LRRN3: variants seen among roughly 807,000 people sequenced by gnomAD.
The protein encoded by LRRN3 is leucine rich repeat neuronal 3, also known as leucine-rich repeat neuronal protein 3.
Under a neutral mutation model 40.1 loss-of-function variants are expected in LRRN3, and 15 were observed. That is an observed-to-expected ratio of 0.37 (90% CI 0.25 to 0.58). LRRN3 has a LOEUF of 0.58. Ranked by LOEUF, LRRN3 falls within the 20% of genes least tolerant of loss-of-function variation. The pLI, the probability that LRRN3 is intolerant of heterozygous loss-of-function variation, is 0.72. For synonymous variants in LRRN3, 308 were observed against 297.2 expected, an observed-to-expected ratio of 1.04 and a Z score of -0.37; for missense variants, 746 against 837.7, an observed-to-expected ratio of 0.89 and a Z score of 1.35.
intron 1 of LRRN3, among the ~76,000 whole-genome samples, chr7:111,098,712 C>T (rs1384318711): frequency 2.3e-4 from 35 of 151,706 alleles, no homozygotes; most frequent in Admixed American, 2.1e-3. Flanking sequence ...CTATGTTTAA[C>T]CCATTTTACC....
chr7:111,124,985 A>AG lies in LRRN3; in HGVS notation c.*86_*87insG, dbSNP rs1801140486. 2.1e-6 allele frequency: 2 copies of AG among 959,526 alleles called. No individual in the cohort carries two copies. The highest frequency in any genetic ancestry group is 5.3e-5 in the East Asian group (2 of 37,460). 59.4% of individuals were successfully genotyped at this position (959,526 alleles called of 1,614,324 possible). A position where few individuals can be genotyped will look rare whatever the true frequency, so the allele number is the denominator to read the frequency against. ...TTGTGCTAAAAACAAAACAAAACAA[A>AG]CAAACAAACAAAAAAGTAAAAAAAG... On this transcript the variant is annotated 3_prime_UTR_variant, in exon 3 of 3. Transcript: ENST00000308478.
At chr7:111,095,689 T>A (rs570318157) in intron 1 of LRRN3, among the ~76,000 whole-genome samples, 2 of 152,132 alleles carry the variant, frequency 1.3e-5, no homozygotes, top group South Asian at 4.1e-4. Context: ...CTATTGATCA[T>A]CCACTATAAG....
chr7:111,124,735 T>A lies in LRRN3; in HGVS notation c.1963T>A (p.Cys655Ser). 1 of 1,613,938 alleles carries A rather than the reference T, an allele frequency of 6.2e-7. No individual in the cohort carries two copies. The highest frequency in any genetic ancestry group is 8.5e-7 in the Non-Finnish European group (1 of 1,179,972). Residue 655 changes from cysteine (C) to serine (S), a missense_variant, in exon 3 of 3, where the codon TGT (cysteine) becomes AGT (serine). Coordinates refer to ENST00000308478, the MANE Select transcript of LRRN3 (RefSeq NM_001099658.2). The part of the protein sequence containing the change: ...LISCLSPEMN[C>S]DGGHSYVRNY... ...CAGCTGCCTCTCTCCAGAAATGAAC[T>A]GTGATGGTGGACACAGCTATGTGAG...
intron 1 of LRRN3, among the ~76,000 whole-genome samples, chr7:111,096,645 T>G (rs566370837): frequency 1.3e-5 from 2 of 151,952 alleles, no homozygotes; most frequent in Admixed American, 1.3e-4. Context: ...GGCAAAGGTC[T>G]CAAAAACTGG....
chr7:111,122,854 G>C lies in LRRN3; in HGVS notation c.82G>C (p.Asp28His). The change falls in exon 3 of 3, where the codon GAT (aspartate) becomes CAT (histidine). Residue 28 changes from aspartate to histidine, a missense_variant. Transcript: ENST00000308478. ...TLVQAVDKKV[D>H]CPRLCTCEIR... ...AGTACAAGCTGTAGATAAAAAAGTG[G>C]ATTGTCCACGGTTATGTACGTGTGA... 1 of 1,613,956 alleles carries C rather than the reference G, an allele frequency of 6.2e-7. No individual in the cohort carries two copies. Among genetic ancestry groups the C allele is most frequent in the Non-Finnish European group, 8.5e-7 (1 of 1,179,912 alleles).
chr7:111,096,356 G>A (rs1425620252), intron 1 of LRRN3, among the ~76,000 whole-genome samples: 1 of 151,752 alleles, frequency 6.6e-6, no homozygotes, highest in Non-Finnish European at 1.5e-5. Flanking sequence ...ATAAATGTTA[G>A]TTCCCTTTTT....
At chr7:111,112,734 C>G (rs1799386662) in intron 2 of LRRN3, among the ~76,000 whole-genome samples, 1 of 152,112 alleles carries the variant, frequency 6.6e-6, no homozygotes, top group South Asian at 2.1e-4. Flanking sequence ...GACAAACAAT[C>G]CCATGCTTAT....
At chr7:111,108,529 A>G (rs1798808811) in intron 2 of LRRN3, among the ~76,000 whole-genome samples, 2 of 152,174 alleles carry the variant, frequency 1.3e-5, no homozygotes. Flanking sequence ...TATACGAACA[A>G]AACATACATA....
intron 1 of LRRN3, among the ~76,000 whole-genome samples, chr7:111,096,359 C>T (rs1452176550): frequency 6.6e-6 from 1 of 151,724 alleles, no homozygotes; most frequent in Non-Finnish European, 1.5e-5. Flanking sequence ...AATGTTAGTT[C>T]CCTTTTTATG....
chr7:111,099,677 C>G lies in LRRN3; in HGVS notation c.-440-204C>G, dbSNP rs193215544. ...AGTTTAGAGAGCTCACATCAACATA[C>G]ATTTTCTATTCAAAATGAAGTTTTT... On this transcript the variant is annotated intron_variant, in intron 1 of 2. Transcript: ENST00000308478. Among the ~76,000 whole-genome samples, 10 of 151,436 alleles carry G rather than the reference C, an allele frequency of 6.6e-5. No individual in the cohort carries two copies. In the East Asian group the frequency reaches 1.7e-3, roughly 26 times the overall value.
chr7:111,105,001 T>G (rs1373570685), intron 2 of LRRN3, among the ~76,000 whole-genome samples: 1 of 151,776 alleles, frequency 6.6e-6, no homozygotes, highest in Non-Finnish European at 1.5e-5. Flanking sequence ...AATGTGAATC[T>G]ACTTGCCAGA....
At chr7:111,093,157 TTC>T (rs1291668516) in intron 1 of LRRN3, among the ~76,000 whole-genome samples, 2 of 152,210 alleles carry the variant, frequency 1.3e-5, no homozygotes, top group African/African-American at 4.8e-5. Context: ...GGCTTCGATT[TTC>T]TCTCTGTAAG....
chr7:111,120,259 C>A (rs1800431037), intron 2 of LRRN3, among the ~76,000 whole-genome samples: 1 of 152,002 alleles, frequency 6.6e-6, no homozygotes, highest in Non-Finnish European at 1.5e-5. Context: ...GAGTAATTTA[C>A]AAAGAAAAAG....
At chr7:111,101,812 A>G (rs1798012244) in intron 2 of LRRN3, among the ~76,000 whole-genome samples, 1 of 151,358 alleles carries the variant, frequency 6.6e-6, no homozygotes, top group African/African-American at 2.4e-5. Context: ...GGCTGTGGTA[A>G]ACATAGTTCC....
chr7:111,124,756 G>A lies in LRRN3; in HGVS notation c.1984G>A (p.Val662Met). The A allele has an allele frequency of 2.5e-6, 4 of 1,613,916 alleles. No homozygotes were observed. Among genetic ancestry groups the A allele is most frequent in the Non-Finnish European group, 3.4e-6 (4 of 1,179,980 alleles). Residue 662 changes from valine to methionine, a missense_variant, in exon 3 of 3, where the codon GTG becomes ATG. Coordinates refer to ENST00000308478, the MANE Select transcript of LRRN3 (RefSeq NM_001099658.2). The stretch of plus-strand genomic sequence containing the variant: ...GAACTGTGATGGTGGACACAGCTAT[G>A]TGAGGAATTACTTACAGAAACCAAC... ...EMNCDGGHSY[V>M]RNYLQKPTFA...
chr7:111,111,674 T>A (rs577631850), intron 2 of LRRN3, among the ~76,000 whole-genome samples: 1 of 151,830 alleles, frequency 6.6e-6, no homozygotes, highest in Non-Finnish European at 1.5e-5. Flanking sequence ...CCTGCGTCAA[T>A]AGTAATTTTA....
At chr7:111,115,191 C>CTT (rs1444078475) in intron 2 of LRRN3, among the ~76,000 whole-genome samples, 1 of 152,100 alleles carries the variant, frequency 6.6e-6, no homozygotes, top group Non-Finnish European at 1.5e-5. Flanking sequence ...CATTGGCTCT[C>CTT]AAACAATATT....
chr7:111,114,654 T>C lies in LRRN3; in HGVS notation c.-358-7761T>C, dbSNP rs555633262. ...GGGAGGCTGAGGCAGGAGAATTGTT[T>C]GAACCCAGGAGGTGGAGGGTGCAGT... On this transcript the variant is annotated intron_variant, in intron 2 of 2. Transcript: ENST00000308478. 1.9e-4 allele frequency among the ~76,000 whole-genome samples: 28 copies of C among 150,160 alleles called. 1 individual carries two copies. The South Asian group carries it at 5.7e-3, about 30-fold the overall frequency.
rs1796822420 is a variant in LRRN3 at position 111,091,188 on chromosome 7, A to G, written c.-757A>G. 1 of 152,172 alleles carries G rather than the reference A, an allele frequency of 6.6e-6. No individual in the cohort carries two copies. The highest frequency in any genetic ancestry group is 2.4e-5 in the African/African-American group (1 of 41,452). The allele number at this position is 152,172 out of a possible 1,614,324, so 9.4% of individuals were successfully genotyped here. On this transcript the variant is annotated 5_prime_UTR_variant, in exon 1 of 3. Coordinates refer to ENST00000308478, the MANE Select transcript of LRRN3 (RefSeq NM_001099658.2). ...CTAACCACCATGGAAACAAGGAAAA[A>G]TAAAGCCAGCTCACAGGATCTCTCT...
Sources: allele counts gnomAD v4.1 joint callset (sites outside exome capture counted in the v4.1 genomes callset), GRCh38; gene constraint gnomAD v4.1.1; transcripts MANE v1.5; gene names NCBI Gene and HGNC (gene_info 2026-07-23, HGNC 2026-07-21).